Variants in AHI1 observed in about 807,000 individuals in gnomAD.
AHI1 encodes Abelson helper integration site 1, also known as jouberin.
In AHI1, 123 loss-of-function variants were observed where a neutral mutation model predicts 149.3. The ratio of observed to expected loss-of-function variants is 0.82; its 90% CI spans 0.71 to 0.96. The LOEUF (loss-of-function observed/expected upper bound fraction) is 0.96, where lower values mean the gene tolerates loss of function less well. Among genes scored for constraint, AHI1 ranks in the 40% least tolerant of loss-of-function variants. The pLI is 0.00. For synonymous variants in AHI1, 475 were observed against 459.8 expected (o/e 1.03, Z -0.42); for missense variants, 1,439 against 1,422.7 (o/e 1.01, Z -0.18).
At chr6:135,327,524 T>C (rs1787888873) in intron 24 of AHI1, among the ~76,000 whole-genome samples, 2 of 152,190 alleles carry the variant, frequency 1.3e-5, no homozygotes, top group African/African-American at 2.4e-5. Flanking sequence ...ATGTATTATG[T>C]TTCTGTTTGC....
intron 22 of AHI1, among the ~76,000 whole-genome samples, chr6:135,404,017 C>G (rs993303303): frequency 2.0e-5 from 3 of 148,894 alleles, no homozygotes; most frequent in Non-Finnish European, 4.4e-5. Context: ...TAGGTGCCCA[C>G]TGAATTAAAA....
intron 24 of AHI1, among the ~76,000 whole-genome samples, chr6:135,325,001 G>GTGT (rs1031812956): frequency 2.0e-5 from 3 of 150,864 alleles, no homozygotes; most frequent in Non-Finnish European, 4.4e-5. Flanking sequence ...GCGATGCAGG[G>GTGT]TGTTATTTAA....
At chr6:135,386,912 C>A (rs1222382658) in intron 23 of AHI1, among the ~76,000 whole-genome samples, 1 of 152,124 alleles carries the variant, frequency 6.6e-6, no homozygotes, top group Non-Finnish European at 1.5e-5. Flanking sequence ...AAGGCATGAG[C>A]CACCCCACCT....
At chr6:135,482,631 A>C (rs760553902) in intron 5 of AHI1, among the ~76,000 whole-genome samples, 33 of 152,074 alleles carry the variant, frequency 2.2e-4, no homozygotes, top group Non-Finnish European at 2.9e-4. Flanking sequence ...TGGTCTTTGA[A>C]AATATGTTCT....
chr6:135,484,757 C>CA lies in AHI1; in HGVS notation c.135+5865dup, dbSNP rs553118640. 6.1e-3 allele frequency among the ~76,000 whole-genome samples: 816 copies of CA among 133,280 alleles called. 2 individuals are homozygous for CA. The highest frequency in any genetic ancestry group is 8.0e-3 in the South Asian group (33 of 4,104). 87.4% of individuals were successfully genotyped at this position (133,280 alleles called of 152,430 possible). A position where few individuals can be genotyped will look rare whatever the true frequency, so the allele number is the denominator to read the frequency against. On this transcript the variant is annotated intron_variant, in intron 5 of 28. Transcript: ENST00000265602. ...TTTTCTCAGTGAGTTGGTTTTTGAC[C>CA]AAAAAAAAAAAAACTTATACATTAG...
intron 28 of AHI1, among the ~76,000 whole-genome samples, chr6:135,285,909 A>C (rs1781625581): frequency 6.6e-6 from 1 of 152,232 alleles, no homozygotes; most frequent in Non-Finnish European, 1.5e-5. Flanking sequence ...TGTAAGCAAG[A>C]AAGAAATAAA....
At chr6:135,335,817 T>G (rs1789284987) in intron 24 of AHI1, among the ~76,000 whole-genome samples, 1 of 152,146 alleles carries the variant, frequency 6.6e-6, no homozygotes, top group African/African-American at 2.4e-5. Flanking sequence ...TCATTAGTTA[T>G]AAAACATTTT....
At chr6:135,405,461 C>T (rs1227259869) in intron 21 of AHI1, among the ~76,000 whole-genome samples, 1 of 151,994 alleles carries the variant, frequency 6.6e-6, no homozygotes, top group African/African-American at 2.4e-5. Flanking sequence ...GAACTCTGTA[C>T]AATTCATGGT....
intron 22 of AHI1, among the ~76,000 whole-genome samples, chr6:135,398,030 A>G (rs968058485): frequency 6.6e-6 from 1 of 151,298 alleles, no homozygotes; most frequent in African/African-American, 2.4e-5. Flanking sequence ...GTGGCATTAG[A>G]AAAAAAGAAA....
chr6:135,362,551 C>T (rs1214591453), intron 23 of AHI1, among the ~76,000 whole-genome samples: 2 of 152,078 alleles, frequency 1.3e-5, no homozygotes, highest in Non-Finnish European at 2.9e-5. Context: ...TGATTATGGC[C>T]ATTATTGCAG....
At chr6:135,367,580 T>C (rs1179319003) in intron 23 of AHI1, among the ~76,000 whole-genome samples, 8 of 152,138 alleles carry the variant, frequency 5.3e-5, no homozygotes, top group African/African-American at 1.9e-4. Flanking sequence ...TTTGTCGGCT[T>C]GGGTCAATTA....
intron 16 of AHI1, among the ~76,000 whole-genome samples, chr6:135,432,660 A>C (rs888332903): frequency 1.4e-4 from 22 of 152,068 alleles, no homozygotes; most frequent in Non-Finnish European, 2.9e-4. Context: ...CCACCATATT[A>C]TTCTTATATC....
chr6:135,342,949 A>AT (rs376185250), intron 24 of AHI1, among the ~76,000 whole-genome samples: 82 of 150,646 alleles, frequency 5.4e-4, no homozygotes, highest in African/African-American at 1.9e-3. Flanking sequence ...TTAGGCAAGA[A>AT]AAAAAAAAGG....
intron 5 of AHI1, among the ~76,000 whole-genome samples, chr6:135,479,864 T>C (rs1469202877): frequency 2.0e-5 from 3 of 152,176 alleles, no homozygotes; most frequent in Non-Finnish European, 4.4e-5. Context: ...GGGTGTCAAC[T>C]TCCCTCTTGC....
intron 7 of AHI1, among the ~76,000 whole-genome samples, chr6:135,463,528 A>C (rs564765554): frequency 6.6e-6 from 1 of 152,212 alleles, no homozygotes; most frequent in South Asian, 2.1e-4. Flanking sequence ...ACACGATTCA[A>C]CTAAAACTGA....
chr6:135,429,978 T>A lies in AHI1; in HGVS notation c.2396A>T (p.Lys799Met). 6.4e-7 allele frequency: 1 copy of A among 1,567,240 alleles called. No individual in the cohort carries two copies. Among genetic ancestry groups the A allele is most frequent in the Non-Finnish European group, 8.7e-7 (1 of 1,152,752 alleles). The change falls in exon 18 of 29, where the codon AAG becomes ATG. Residue 799 changes from lysine to methionine, a missense_variant. Coordinates refer to ENST00000265602, the MANE Select transcript of AHI1 (RefSeq NM_001134831.2). ...INKEIKETEF[K>M]GIPISYLEIH... is the part of the protein sequence containing the mutation. ...CTCCAAATAACTTATTGGAATTCCC[T>A]TAAACTCAGTTTCTTTAATTTCCTA... is the stretch of plus-strand genomic sequence containing the variant.
chr6:135,304,125 C>T (rs1784249945), intron 26 of AHI1, among the ~76,000 whole-genome samples: 2 of 152,330 alleles, frequency 1.3e-5, no homozygotes, highest in Middle Eastern at 3.4e-3. Context: ...TGGCCTTGAC[C>T]TCCTGGGCTC....
At chr6:135,415,911 C>G (rs368437160) in intron 20 of AHI1, among the ~76,000 whole-genome samples, 2 of 152,214 alleles carry the variant, frequency 1.3e-5, no homozygotes, top group East Asian at 1.9e-4. Context: ...AAAAAGAGTA[C>G]ATGGTATATA....
intron 26 of AHI1, among the ~76,000 whole-genome samples, chr6:135,309,434 T>C (rs188859788): frequency 4.6e-5 from 7 of 152,238 alleles, no homozygotes; most frequent in Non-Finnish European, 7.4e-5. Flanking sequence ...AAAAACATAT[T>C]AGTGCTATCT....
Sources: allele counts gnomAD v4.1 joint callset (sites outside exome capture counted in the v4.1 genomes callset), GRCh38; gene constraint gnomAD v4.1.1; transcripts MANE v1.5; gene names NCBI Gene and HGNC (gene_info 2026-07-23, HGNC 2026-07-21).